IRAG1: variants seen among roughly 807,000 people sequenced by gnomAD.
The protein encoded by IRAG1 is IP3R-associated cGMP kinase substrate.
In IRAG1, 62 loss-of-function variants were observed where a neutral mutation model predicts 106.2. The ratio of observed to expected loss-of-function variants is 0.58; its 90% CI spans 0.48 to 0.72. The LOEUF (loss-of-function observed/expected upper bound fraction) is 0.72. Among genes scored for constraint, IRAG1 ranks in the 30% least tolerant of loss-of-function variants. The probability of loss-of-function intolerance (pLI) is 0.00; values close to 1 mark genes in which losing one functional copy is unlikely to be tolerated. For synonymous variants in IRAG1, 462 were observed against 443.9 expected (o/e 1.04, Z -0.51); for missense variants, 1,064 against 1,140.7 (o/e 0.93, Z 0.97).
chr11:10,621,224 A>T (rs377622631), intron 10 of IRAG1, among the ~76,000 whole-genome samples: 5 of 152,206 alleles, frequency 3.3e-5, no homozygotes, highest in African/African-American at 9.6e-5. Flanking sequence ...GCCCTTGGGA[A>T]AAAACACTGT....
chr11:10,626,628 G>A (rs1458797624), intron 8 of IRAG1, 45 bp from the exon 9 acceptor site: 4 of 1,540,034 alleles, frequency 2.6e-6, no homozygotes, highest in Non-Finnish European at 3.5e-6. Context: ...GGCAGGTTGA[G>A]GGGAAACAGG....
intron 1 of IRAG1, chr11:10,690,323 G>T: frequency 8.6e-7 from 1 of 1,158,702 alleles, no homozygotes; most frequent in Non-Finnish European, 1.1e-6. Flanking sequence ...CCGGGAGGTG[G>T]GGTTGCACCA....
intron 14 of IRAG1, among the ~76,000 whole-genome samples, chr11:10,601,636 A>G (rs1335440809): frequency 2.0e-5 from 3 of 152,202 alleles, no homozygotes; most frequent in African/African-American, 4.8e-5. Flanking sequence ...TCTATTTGTA[A>G]GTCTGGGTTG....
In IRAG1 at chr11:10,659,400, C is replaced by T. The variant is rs1371599466; in HGVS notation, c.68-7218G>A. ...GGGCGGAGATGCAGGGAGAAAGCCT[C>T]GGTGGCAACAGAAAAGGGAGGATGA... On this transcript the variant is annotated intron_variant, in intron 1 of 20. Transcript: ENST00000423302. This position sits in a 1 kb window ranked among gnomAD's most constrained non-coding sequence, Gnocchi z 4.1. Among the ~76,000 whole-genome samples the T allele has an allele frequency of 1.3e-5, 2 of 152,142 alleles. No homozygotes were observed. The highest frequency in any genetic ancestry group is 4.8e-5 in the African/African-American group (2 of 41,422).
intron 3 of IRAG1, among the ~76,000 whole-genome samples, chr11:10,632,525 A>G (rs1480059835): frequency 5.9e-5 from 9 of 152,046 alleles, no homozygotes; most frequent in Admixed American, 5.9e-4. Flanking sequence ...CTAGAACATC[A>G]TCTTACAAGC....
In IRAG1 at chr11:10,626,530, A is replaced by G; in HGVS notation, c.804T>C (p.Ser268=). ...DRKQNDQRKV[S]QGRLAPRPPP... ...GAGGACGAGGAGCCAGCCTGCCCTG[A>G]GACACTTTCCTCTGGTCATTCTGCT... is the stretch of plus-strand genomic sequence containing the variant. Residue 268 remains serine (S), a synonymous_variant, in exon 9 of 21, where the codon TCT becomes TCC. Coordinates refer to ENST00000423302, the MANE Select transcript of IRAG1 (RefSeq NM_130385.4). 6.2e-7 allele frequency: 1 copy of G among 1,613,238 alleles called. No homozygotes were observed. The highest frequency in any genetic ancestry group is 8.5e-7 in the Non-Finnish European group (1 of 1,179,538).
At chr11:10,607,512 G>A (rs1360183323) in intron 11 of IRAG1, among the ~76,000 whole-genome samples, 1 of 152,206 alleles carries the variant, frequency 6.6e-6, no homozygotes, top group Non-Finnish European at 1.5e-5. Context: ...ATGTCCACTC[G>A]ATGCTGCTGT....
In IRAG1 at chr11:10,646,739, G is replaced by A. The variant is rs181208071; in HGVS notation, c.225+5286C>T. On this transcript the variant is annotated intron_variant, in intron 2 of 20. Transcript: ENST00000423302. ...AGGGCTGAGCATCCATGTCTGCCTA[G>A]AGCATCAACGAATGAAACACAAAGT... Among the ~76,000 whole-genome samples the A allele has an allele frequency of 7.7e-4, 117 of 152,272 alleles. 1 individual carries two copies. Among genetic ancestry groups the A allele is most frequent in the Middle Eastern group, 3.4e-3 (1 of 294 alleles).
At chr11:10,604,165 C>T (rs1854284201) in intron 13 of IRAG1, among the ~76,000 whole-genome samples, 1 of 152,212 alleles carries the variant, frequency 6.6e-6, no homozygotes, top group Non-Finnish European at 1.5e-5. Flanking sequence ...CCAGGCCACC[C>T]TGCCCCCTTC....
At chr11:10,689,048 T>C (rs137869235) in intron 1 of IRAG1, among the ~76,000 whole-genome samples, 2 of 152,342 alleles carry the variant, frequency 1.3e-5, no homozygotes, top group East Asian at 3.9e-4. Context: ...TCACCAAGTG[T>C]TAGCTACCAT....
chr11:10,584,884 CTAT>C (rs1182292267), intron 18 of IRAG1, among the ~76,000 whole-genome samples: 3 of 152,044 alleles, frequency 2.0e-5, no homozygotes, highest in East Asian at 3.9e-4. Flanking sequence ...ATTATATCTG[CTAT>C]TATTATTGTT....
chr11:10,595,485 C>G (rs1175153782), intron 15 of IRAG1, among the ~76,000 whole-genome samples: 1 of 152,138 alleles, frequency 6.6e-6, no homozygotes, highest in Admixed American at 6.5e-5. Flanking sequence ...TAAACAAGCT[C>G]TCTATTCTTT....
intron 3 of IRAG1, among the ~76,000 whole-genome samples, chr11:10,633,219 C>A (rs111881846): frequency 6.6e-6 from 1 of 151,780 alleles, no homozygotes; most frequent in Non-Finnish European, 1.5e-5. Flanking sequence ...GGACTACAGG[C>A]GCCCGCCACC....
chr11:10,635,890 T>C (rs572830393), intron 2 of IRAG1, among the ~76,000 whole-genome samples: 2 of 150,672 alleles, frequency 1.3e-5, no homozygotes, highest in African/African-American at 5.0e-5. Flanking sequence ...CATTGGGCTC[T>C]GTGTTCTTAT....
intron 1 of IRAG1, among the ~76,000 whole-genome samples, chr11:10,661,493 G>A (rs1375412815): frequency 6.6e-6 from 1 of 152,192 alleles, no homozygotes; most frequent in African/African-American, 2.4e-5. Context: ...CATCTCAGCA[G>A]GCTAAAGTCT....
At chr11:10,675,438 A>C (rs1860579353) in intron 1 of IRAG1, among the ~76,000 whole-genome samples, 2 of 152,150 alleles carry the variant, frequency 1.3e-5, no homozygotes, top group Admixed American at 1.3e-4. Flanking sequence ...AACCCTGCAA[A>C]TGGCTTGGAA....
At chr11:10,600,788 C>A in intron 15 of IRAG1, 130 bp downstream of exon 15, 1 of 1,239,334 alleles carries the variant, frequency 8.1e-7, no homozygotes, top group African/African-American at 1.5e-5. Context: ...CCCCTGTGGG[C>A]AGCACTAGAC....
chr11:10,686,575 G>T (rs1861672645), intron 1 of IRAG1, among the ~76,000 whole-genome samples: 1 of 152,186 alleles, frequency 6.6e-6, no homozygotes, highest in Admixed American at 6.5e-5. Flanking sequence ...GAGAGCTCAG[G>T]ACCTCAGCTC....
In IRAG1 at chr11:10,640,447, A is replaced by G. The variant is rs149948753; in HGVS notation, c.226-6376T>C. 1.2e-4 allele frequency among the ~76,000 whole-genome samples: 18 copies of G among 152,332 alleles called. No homozygotes were observed. In the East Asian group the frequency reaches 3.5e-3, roughly 29 times the overall value. On this transcript the variant is annotated intron_variant, in intron 2 of 20. Coordinates refer to ENST00000423302, the MANE Select transcript of IRAG1 (RefSeq NM_130385.4). ...TGCAAAATACACAACTCATAAAATCATAGTGTTCTTTCCCTCATCAGCTGA... is the reference window on the plus strand; with the variant it reads ...TGCAAAATACACAACTCATAAAATCGTAGTGTTCTTTCCCTCATCAGCTGA...
Sources: gnomAD v4.1 joint callset for allele counts (sites outside exome capture counted in the v4.1 genomes callset) on GRCh38, gnomAD v4.1.1 for gene constraint, Gnocchi (gnomAD v3.1) non-coding constraint, MANE v1.5 for transcripts, NCBI Gene and HGNC (gene_info 2026-07-23, HGNC 2026-07-21) for gene names.